Variants in SRCAP observed in about 807,000 individuals in gnomAD.
The protein encoded by SRCAP is Snf2 related CREBBP activator protein.
SRCAP carries 46 observed loss-of-function variants against 263.1 expected under a neutral mutation model. The ratio of observed to expected loss-of-function variants is 0.17; its 90% CI spans 0.14 to 0.22. The LOEUF is 0.22. Ranked by LOEUF, SRCAP falls within the 10% of genes least tolerant of loss-of-function variation. SRCAP has a pLI of 1.00. For synonymous variants in SRCAP, 1,813 were observed against 1,662.1 expected, an observed-to-expected ratio of 1.09 and a Z score of -2.21; for missense variants, 3,695 against 4,181.9, an observed-to-expected ratio of 0.88 and a Z score of 3.21.
rs1427052974 is a variant in SRCAP at position 30,729,094 on chromosome 16, C to G, written c.5787C>G (p.Pro1929=). 1.9e-6 allele frequency: 3 copies of G among 1,614,078 alleles called. No homozygotes were observed. The highest frequency in any genetic ancestry group is 2.5e-6 in the Non-Finnish European group (3 of 1,180,046). ...AAGTCCTGGATTTCTGTACCCTGCC[C>G]CAACCTGTTGCCAGCCCCATCGGCC... The part of the protein sequence containing the change: ...GTEVLDFCTL[P]QPVASPIGPR... Residue 1929 remains proline, a synonymous_variant, in exon 26 of 34, where the codon CCC becomes CCG. Transcript: ENST00000262518.
rs1344060935 is a variant in SRCAP, at chr16:30,729,241, G to T, written c.5924+10G>T. The stretch of plus-strand genomic sequence containing the variant: ...CAGAAATCATTGAGAGGTTGGCAGG[G>T]CTAAGTGCTAATGGGGAGTGGGTCT... On this transcript the variant is annotated intron_variant, in intron 26 of 33. Transcript: ENST00000262518. 1.9e-6 allele frequency: 3 copies of T among 1,602,250 alleles called. No individual in the cohort carries two copies. Among genetic ancestry groups the T allele is most frequent in the African/African-American group, 1.3e-5 (1 of 74,714 alleles).
chr16:30,729,666 T>C (rs1328681411), intron 27 of SRCAP, 94 bp downstream of exon 27: 5 of 1,450,122 alleles, frequency 3.4e-6, no homozygotes. Flanking sequence ...TAAGTTCTCT[T>C]GCGATTTCTG....
intron 13 of SRCAP, 31 bp from the exon 14 acceptor site, chr16:30,712,648 C>T (rs753318133): frequency 1.4e-5 from 23 of 1,613,664 alleles, no homozygotes; most frequent in Admixed American, 5.0e-5. Flanking sequence ...ATTTACATTT[C>T]CTTACCATCT....
In SRCAP at chr16:30,721,292, C is replaced by T. The variant is rs2053008976; in HGVS notation, c.3357C>T (p.Ala1119=). 1 of 1,614,196 alleles carries T rather than the reference C, an allele frequency of 6.2e-7. No homozygotes were observed. Among genetic ancestry groups the T allele is most frequent in the Non-Finnish European group, 8.5e-7 (1 of 1,180,048 alleles). The change falls in exon 21 of 34, where the codon GCC becomes GCT. Residue 1119 remains alanine (A), a synonymous_variant. Coordinates refer to ENST00000262518, the MANE Select transcript of SRCAP (RefSeq NM_006662.3). ...TPPAPVRLSP[A]PPPGSSSLLK... is the part of the protein sequence containing the mutation. ...CTGCCCCAGTTCGCCTGAGCCCAGC[C>T]CCACCTCCAGGCTCCTCTAGCCTGT... is the stretch of plus-strand genomic sequence containing the variant.
intron 25 of SRCAP, chr16:30,725,963 T>C (rs191432491): frequency 1.3e-5 from 2 of 152,222 alleles, no homozygotes; most frequent in Admixed American, 6.5e-5. Flanking sequence ...TTTATAGGGT[T>C]GTACAATCAT....
At position 30,711,815 on chromosome 16, in the gene SRCAP, G is replaced by A. The variant is rs758018070; in HGVS notation, c.1493-20G>A. ...GAAGAGCAGGTATGATGAGCAGTAA[G>A]CCTTGGTCTTACCCTTTAGACTCTG... On this transcript the variant is annotated intron_variant, in intron 11 of 33. Transcript: ENST00000262518. The A allele has an allele frequency of 2.5e-6, 4 of 1,612,828 alleles. No individual in the cohort carries two copies. Among genetic ancestry groups the A allele is most frequent in the Admixed American group, 3.3e-5 (2 of 60,000 alleles).
chr16:30,737,045 G>T lies in SRCAP; in HGVS notation c.7009-4G>T, dbSNP rs1309518186. 7.6e-6 allele frequency: 12 copies of T among 1,576,708 alleles called. No homozygotes were observed. The highest frequency in any genetic ancestry group is 1.0e-5 in the Non-Finnish European group (12 of 1,160,506). Reference sequence around the variant, plus strand: ...CTGACCACTTTTGGACCCTGTTGTTGTAGGAGCAAGTGGAAGCTGCCCGCA... The same window carrying T: ...CTGACCACTTTTGGACCCTGTTGTTTTAGGAGCAAGTGGAAGCTGCCCGCA... On this transcript the variant is annotated splice_polypyrimidine_tract_variant and splice_region_variant and intron_variant, in intron 33 of 33. Coordinates refer to ENST00000262518, the MANE Select transcript of SRCAP (RefSeq NM_006662.3).
Position 30,702,568 on chromosome 16 carries a change from TCCCTCCCTCCCTC to T in SRCAP, c.55-1493_55-1481del, listed in dbSNP as rs1323026690. On this transcript the variant is annotated intron_variant, in intron 3 of 33. Transcript: ENST00000262518. ...ACCCTCCTTCCCTCCCTCCCTCCCTTCCCTCCCTCCCTCCCTCCCTTCCCTGCCTTCCCTCCCT... is the reference window on the plus strand; with the variant it reads ...ACCCTCCTTCCCTCCCTCCCTCCCTTCCTCCCTTCCCTGCCTTCCCTCCCT... Among the ~76,000 whole-genome samples the T allele has an allele frequency of 9.4e-4, 54 of 57,252 alleles. 1 individual carries two copies. The highest frequency in any genetic ancestry group is 0.02 in the Middle Eastern group (2 of 100). The allele number at this position is 57,252 out of a possible 152,430, so 37.6% of individuals were successfully genotyped here. A position where few individuals can be genotyped will look rare whatever the true frequency, so the allele number is the denominator to read the frequency against.
intron 3 of SRCAP, 29 bp downstream of exon 3, chr16:30,700,907 G>A: frequency 1.9e-6 from 3 of 1,611,854 alleles, no homozygotes; most frequent in Non-Finnish European, 2.5e-6. Flanking sequence ...TTCCTTCTCT[G>A]CTTCTGCTTT....
chr16:30,704,433 G>A, intron 4 of SRCAP, 118 bp downstream of exon 4: 1 of 1,303,470 alleles, frequency 7.7e-7, no homozygotes, highest in Non-Finnish European at 1.0e-6. Context: ...TATAGGTTCT[G>A]CCTTAATGTA....
Position 30,723,111 on chromosome 16 carries a change from G to A in SRCAP, c.4041G>A (p.Thr1347=), listed in dbSNP as rs747841580. The part of the protein sequence containing the change: ...GLPAVLNPRP[T]LTPGRLPTPT... ...CAGCTGTGTTGAATCCACGCCCCAC[G>A]TTAACCCCTGGCCGGCTACCCACAC... Residue 1347 remains threonine (T), a synonymous_variant, in exon 24 of 34, where the codon ACG becomes ACA. Coordinates refer to ENST00000262518, the MANE Select transcript of SRCAP (RefSeq NM_006662.3). 1.8e-5 allele frequency: 29 copies of A among 1,613,814 alleles called. No homozygotes were observed. Among genetic ancestry groups the A allele is most frequent in the South Asian group, 9.9e-5 (9 of 91,064 alleles).
chr16:30,735,856 G>A lies in SRCAP; in HGVS notation c.6730-344G>A, dbSNP rs184170624. 1.7e-4 allele frequency among the ~76,000 whole-genome samples: 26 copies of A among 151,708 alleles called. 1 individual carries two copies. Among genetic ancestry groups the A allele is most frequent in the Admixed American group, 8.5e-4 (13 of 15,264 alleles). Reference sequence around the variant, plus strand: ...GGCCTCCCAAAGTGCTGCAATTATAGGATTGAGCCACTGCGCCCGGGTGAA... The same window carrying A: ...GGCCTCCCAAAGTGCTGCAATTATAAGATTGAGCCACTGCGCCCGGGTGAA... On this transcript the variant is annotated intron_variant, in intron 31 of 33. Coordinates refer to ENST00000262518, the MANE Select transcript of SRCAP (RefSeq NM_006662.3).
intron 4 of SRCAP, among the ~76,000 whole-genome samples, 170 bp from the exon 5 acceptor site, chr16:30,707,013 G>T (rs1022321031): frequency 6.6e-6 from 1 of 152,084 alleles, no homozygotes; most frequent in African/African-American, 2.4e-5. Flanking sequence ...TCATCTCCCT[G>T]ATCTTTTTTC....
At chr16:30,714,370 C>T (rs1001406309) in intron 16 of SRCAP, among the ~76,000 whole-genome samples, 4 of 149,668 alleles carry the variant, frequency 2.7e-5, no homozygotes, top group Non-Finnish European at 3.0e-5. Flanking sequence ...GGCCTACGCC[C>T]GGCTAATTTT....
At position 30,737,114 on chromosome 16, in the gene SRCAP, A is replaced by AGAG. The variant is rs753646088; in HGVS notation, c.7085_7087dup (p.Glu2362dup). The AGAG allele has an allele frequency of 1.7e-5, 28 of 1,613,166 alleles. No individual in the cohort carries two copies. Among genetic ancestry groups the AGAG allele is most frequent in the Non-Finnish European group, 2.4e-5 (28 of 1,179,516 alleles). ...AGGAGGAGGTGTTCCGCCTACCCCA[A>AGAG]GAGGAGGAGGAGGGGCCGGGGGCTG... On this transcript the variant is annotated inframe_insertion, in exon 34 of 34. Transcript: ENST00000262518.
At chr16:30,712,653 C>A (rs373181332) in intron 13 of SRCAP, 26 bp from the exon 14 acceptor site, 2 of 1,613,742 alleles carry the variant, frequency 1.2e-6, no homozygotes, top group South Asian at 2.2e-5. Flanking sequence ...CATTTCCTTA[C>A]CATCTCTGAT....
chr16:30,724,103 C>T lies in SRCAP; in HGVS notation c.4679C>T (p.Pro1560Leu), dbSNP rs369714554. Residue 1560 changes from proline (P) to leucine (L), a missense_variant, in exon 25 of 34, where the codon CCG (proline) becomes CTG (leucine). Pro to Leu is a moderately conservative substitution (Grantham distance 98). This residue lies in a region of SRCAP where 1,347 missense variants were observed against 1,304.4 expected (regional missense o/e 1.03). Transcript: ENST00000262518. ...VPASALASPF[P>L]SAPNPAPAQA... is the part of the protein sequence containing the mutation. ...GCTTCGGCTCTGGCCAGTCCTTTTC[C>T]GTCAGCACCAAATCCAGCTCCAGCT... The T allele has an allele frequency of 1.1e-5, 18 of 1,613,738 alleles. No individual in the cohort carries two copies. Among genetic ancestry groups the T allele is most frequent in the South Asian group, 2.2e-5 (2 of 91,088 alleles).
chr16:30,711,462 C>T, intron 10 of SRCAP, 109 bp from the exon 11 acceptor site: 1 of 1,185,478 alleles, frequency 8.4e-7, no homozygotes, highest in South Asian at 1.6e-5. Flanking sequence ...CCCCTCAGAC[C>T]TGGGCCTAGC....
chr16:30,734,628 T>C lies in SRCAP; in HGVS notation c.6729+13T>C. 6.2e-7 allele frequency: 1 copy of C among 1,613,582 alleles called. No homozygotes were observed. Among genetic ancestry groups the C allele is most frequent in the Non-Finnish European group, 8.5e-7 (1 of 1,179,836 alleles). On this transcript the variant is annotated intron_variant, in intron 31 of 33. Coordinates refer to ENST00000262518, the MANE Select transcript of SRCAP (RefSeq NM_006662.3). ...TATTCTGGAGCAGGTAAAAAAAGAG[T>C]GGGCAGTTCGTAAAGTTGAGCTGAT...
Sources: gnomAD v4.1 joint callset for allele counts (sites outside exome capture counted in the v4.1 genomes callset) on GRCh38, gnomAD v4.1.1 for gene constraint, gnomAD v4.1.1 regional missense constraint, MANE v1.5 for transcripts, NCBI Gene and HGNC (gene_info 2026-07-23, HGNC 2026-07-21) for gene names.